Variants in CHSY1 observed in about 807,000 individuals in gnomAD.
CHSY1 encodes the protein chondroitin sulfate synthase 1.
Under a neutral mutation model 59.8 loss-of-function variants are expected in CHSY1, and 13 were observed. The observed-to-expected ratio is 0.22, with a 90% CI of 0.14 to 0.35. The LOEUF (loss-of-function observed/expected upper bound fraction) is 0.35, where lower values mean the gene tolerates loss of function less well. Ranked by LOEUF, CHSY1 falls within the 10% of genes least tolerant of loss-of-function variation. The pLI, the probability that CHSY1 is intolerant of heterozygous loss-of-function variation, is 1.00. For missense variants in CHSY1, 947 were observed against 1,030.6 expected (o/e 0.92, Z 1.11); for synonymous variants, 459 against 401.2 (o/e 1.14, Z -1.72).
intron 2 of CHSY1, among the ~76,000 whole-genome samples, chr15:101,207,436 C>T (rs2038638007): frequency 6.6e-6 from 1 of 152,136 alleles, no homozygotes; most frequent in Non-Finnish European, 1.5e-5. Flanking sequence ...ACAACAATAC[C>T]TTCTAGTATG....
intron 2 of CHSY1, among the ~76,000 whole-genome samples, chr15:101,196,698 G>A (rs1257063427): frequency 6.6e-6 from 1 of 152,158 alleles, no homozygotes; most frequent in Non-Finnish European, 1.5e-5. Flanking sequence ...CAATTTAAAT[G>A]TAAATGCCCT....
intron 2 of CHSY1, among the ~76,000 whole-genome samples, chr15:101,212,276 T>C (rs1195746545): frequency 6.6e-6 from 1 of 152,198 alleles, no homozygotes; most frequent in Non-Finnish European, 1.5e-5. Flanking sequence ...TGAAATTAAG[T>C]ATATACCTAT....
chr15:101,247,846 G>A (rs2039066521), intron 1 of CHSY1, among the ~76,000 whole-genome samples: 1 of 152,132 alleles, frequency 6.6e-6, no homozygotes, highest in Non-Finnish European at 1.5e-5. Context: ...TGCCTTTAGT[G>A]TGGACGGGCA....
Position 101,235,325 on chromosome 15 carries a change from G to C in CHSY1, c.573C>G (p.Ser191Arg). Residue 191 changes from serine (S) to arginine (R), a missense_variant, in exon 2 of 3, where the codon AGC becomes AGG. By Grantham distance (110) the Ser-to-Arg change is moderately radical (BLOSUM62 -1). Transcript: ENST00000254190. ...CTGTCTGCCCAAGAAAGAGGGGCTC[G>C]CTGCTGTTCAAACTCCTCAGGAAGT... ...LENFLRSLNS[S>R]EPLFLGQTGL... The C allele has an allele frequency of 1.2e-6, 2 of 1,614,166 alleles. No individual in the cohort carries two copies. The highest frequency in any genetic ancestry group is 8.5e-7 in the Non-Finnish European group (1 of 1,180,034).
intron 2 of CHSY1, among the ~76,000 whole-genome samples, chr15:101,220,790 T>A (rs1213823548): frequency 6.6e-6 from 1 of 152,234 alleles, no homozygotes; most frequent in Non-Finnish European, 1.5e-5. Flanking sequence ...GTTTTCTCAG[T>A]CATGGACGTA....
At chr15:101,201,709 T>C (rs1356561103) in intron 2 of CHSY1, among the ~76,000 whole-genome samples, 1 of 152,232 alleles carries the variant, frequency 6.6e-6, no homozygotes, top group African/African-American at 2.4e-5. Context: ...AGGCGTTCCC[T>C]GGCAGCTCTG....
chr15:101,195,013 C>T (rs746628295), intron 2 of CHSY1, among the ~76,000 whole-genome samples: 4 of 152,204 alleles, frequency 2.6e-5, no homozygotes, highest in East Asian at 3.9e-4. Context: ...TCTTACAAAC[C>T]GCATTTCATA....
At chr15:101,184,447 C>T (rs1332848895) in intron 2 of CHSY1, among the ~76,000 whole-genome samples, 2 of 150,424 alleles carry the variant, frequency 1.3e-5, no homozygotes, top group East Asian at 3.9e-4. Flanking sequence ...GTGGTGTGAT[C>T]TCAGCTCACT....
Position 101,177,486 on chromosome 15 carries a change from A to AG in CHSY1, c.2310dup (p.Tyr771LeufsTer9). ...TCAGCCAGCTGCTGGGTGGACCCAT[A>AG]GGTCGATGCTTTGGACCCCAAGCAC... On this transcript the variant is annotated frameshift_variant, in exon 3 of 3. Coordinates refer to ENST00000254190, the MANE Select transcript of CHSY1 (RefSeq NM_014918.5). LOFTEE classifies it high-confidence loss of function. 6.2e-7 allele frequency: 1 copy of AG among 1,613,434 alleles called. No individual in the cohort carries two copies. The highest frequency in any genetic ancestry group is 8.5e-7 in the Non-Finnish European group (1 of 1,179,470).
intron 2 of CHSY1, among the ~76,000 whole-genome samples, chr15:101,222,380 G>C (rs926001563): frequency 6.6e-6 from 1 of 152,210 alleles, no homozygotes; most frequent in African/African-American, 2.4e-5. Flanking sequence ...GAATTGTAAA[G>C]ATGGCAGAGA....
chr15:101,242,101 A>C (rs1214106415), intron 1 of CHSY1, among the ~76,000 whole-genome samples: 1 of 152,150 alleles, frequency 6.6e-6, no homozygotes. Flanking sequence ...GGATGGTGGA[A>C]TCCACAGATG....
intron 2 of CHSY1, among the ~76,000 whole-genome samples, chr15:101,191,495 T>C (rs1165792451): frequency 6.6e-6 from 1 of 152,178 alleles, no homozygotes; most frequent in East Asian, 1.9e-4. Flanking sequence ...TATATGAGGG[T>C]ATCTGTCATA....
chr15:101,231,421 G>C (rs950760135), intron 2 of CHSY1, among the ~76,000 whole-genome samples: 2 of 152,198 alleles, frequency 1.3e-5, no homozygotes, highest in Non-Finnish European at 2.9e-5. Context: ...AATTCACAGC[G>C]GAAGCCCAGG....
chr15:101,186,880 G>C (rs921924712), intron 2 of CHSY1: 2 of 152,238 alleles, frequency 1.3e-5, no homozygotes, highest in African/African-American at 4.8e-5. Flanking sequence ...GTACTAGACA[G>C]AGGATCCGTC....
chr15:101,216,576 G>A (rs1265919522), intron 2 of CHSY1, among the ~76,000 whole-genome samples: 1 of 152,182 alleles, frequency 6.6e-6, no homozygotes, highest in Non-Finnish European at 1.5e-5. Context: ...GCCACACAGA[G>A]GCATGGATGA....
intron 2 of CHSY1, among the ~76,000 whole-genome samples, chr15:101,202,006 G>A (rs2038579031): frequency 6.6e-6 from 1 of 152,218 alleles, no homozygotes; most frequent in Non-Finnish European, 1.5e-5. Context: ...GCTAAATTAT[G>A]GGACAGACTG....
At chr15:101,251,102 A>G (rs28433507) in intron 1 of CHSY1, 35 bp downstream of exon 1, 1 of 1,538,866 alleles carries the variant, frequency 6.5e-7, no homozygotes, top group Non-Finnish European at 8.7e-7. Flanking sequence ...GGGATGCCGG[A>G]CGCAGGAGGC....
In CHSY1 at chr15:101,245,866, TG is replaced by T. The variant is rs1375525706; in HGVS notation, c.320+5270del. Among the ~76,000 whole-genome samples the T allele has an allele frequency of 2.6e-5, 4 of 152,256 alleles. No individual in the cohort carries two copies. In the East Asian group the frequency reaches 7.7e-4, roughly 29 times the overall value. Reference sequence around the variant, plus strand: ...ACAGGTTGATTATTTGGATTTTACATGGAAAAGCCTTCTGTATAAATGTTTG... The same window carrying T: ...ACAGGTTGATTATTTGGATTTTACATGAAAAGCCTTCTGTATAAATGTTTG... On this transcript the variant is annotated intron_variant, in intron 1 of 2. Transcript: ENST00000254190.
At chr15:101,245,794 C>T (rs117481980) in intron 1 of CHSY1, among the ~76,000 whole-genome samples, 8,363 of 152,278 alleles carry the variant, frequency 0.055, 329 homozygotes, top group Middle Eastern at 0.12. Flanking sequence ...TAGTCTCCTA[C>T]AGGAAATTCA....
Sources: allele counts gnomAD v4.1 joint callset (sites outside exome capture counted in the v4.1 genomes callset), GRCh38; gene constraint gnomAD v4.1.1; transcripts MANE v1.5; gene names NCBI Gene and HGNC (gene_info 2026-07-23, HGNC 2026-07-21).